The following TGFBR3 variants were observed in gnomAD, a reference collection of about 807,000 sequenced individuals.
TGFBR3 encodes the protein transforming growth factor beta receptor type 3.
In TGFBR3, 46 loss-of-function variants were observed where a neutral mutation model predicts 87.9. The observed-to-expected ratio is 0.52, with a 90% CI of 0.41 to 0.67. TGFBR3 has a LOEUF of 0.67. Among genes scored for constraint, TGFBR3 ranks in the 30% least tolerant of loss-of-function variants. The pLI is 0.00. For synonymous variants in TGFBR3, 381 were observed against 391.6 expected, an observed-to-expected ratio of 0.97 and a Z score of 0.32; for missense variants, 866 against 1,041.9, an observed-to-expected ratio of 0.83 and a Z score of 2.32.
chr1:91,708,525 CA>C (rs1223919135), intron 14 of TGFBR3, 137 bp downstream of exon 14: 1 of 1,362,600 alleles, frequency 7.3e-7, no homozygotes, highest in Non-Finnish European at 1.0e-6. Flanking sequence ...ACTCTTCGGG[CA>C]AAAAATGGTC....
At chr1:91,797,181 T>C (rs1375263789) in intron 3 of TGFBR3, 106 bp downstream of exon 3, 2 of 1,215,308 alleles carry the variant, frequency 1.6e-6, no homozygotes, top group African/African-American at 1.5e-5. Flanking sequence ...TGTTCATACA[T>C]GAGCTTCTTT....
upstream of TGFBR3, chr1:91,886,363 C>T (rs1023275756): frequency 3.4e-5 from 12 of 354,362 alleles, no homozygotes; most frequent in African/African-American, 2.2e-4. Context: ...ATGGATGAGC[C>T]CCGAATGCTG....
chr1:91,705,984 C>T (rs1364779634), intron 14 of TGFBR3, among the ~76,000 whole-genome samples: 1 of 152,116 alleles, frequency 6.6e-6, no homozygotes, highest in African/African-American at 2.4e-5. Flanking sequence ...TGTCACCAGG[C>T]TCAAAAGAAG....
intron 2 of TGFBR3, among the ~76,000 whole-genome samples, chr1:91,799,478 G>A (rs1270094310): frequency 6.6e-6 from 1 of 152,166 alleles, no homozygotes; most frequent in Non-Finnish European, 1.5e-5. Flanking sequence ...GGCTTTCCCA[G>A]CCGCAGTGGG....
intron 3 of TGFBR3, chr1:91,766,395 A>C (rs561563189): frequency 6.6e-6 from 1 of 152,106 alleles, no homozygotes; most frequent in South Asian, 2.1e-4. Flanking sequence ...CTGTTTAGTA[A>C]GCCAGTATGC....
At position 91,682,883 on chromosome 1, in the gene TGFBR3, T is replaced by A; in HGVS notation, c.*856A>T. ...AGAAATATATCACTGTGCAAATTCGTCCTTGACTTTATAACTGAATTTCAC... is the reference window on the plus strand; with the variant it reads ...AGAAATATATCACTGTGCAAATTCGACCTTGACTTTATAACTGAATTTCAC... On this transcript the variant is annotated 3_prime_UTR_variant, in exon 17 of 17. Coordinates refer to ENST00000212355, the MANE Select transcript of TGFBR3 (RefSeq NM_003243.5). 2 of 453,172 alleles carry A rather than the reference T, an allele frequency of 4.4e-6. No individual in the cohort carries two copies. Among genetic ancestry groups the A allele is most frequent in the Non-Finnish European group, 8.9e-6 (2 of 225,728 alleles). The allele number at this position is 453,172 out of a possible 1,614,324, so 28.1% of individuals were successfully genotyped here.
At chr1:91,773,147 G>A (rs776943431) in intron 3 of TGFBR3, among the ~76,000 whole-genome samples, 7 of 152,190 alleles carry the variant, frequency 4.6e-5, no homozygotes, top group Non-Finnish European at 8.8e-5. Flanking sequence ...GGGAGGCTGA[G>A]GCGGACAGAT....
At position 91,722,136 on chromosome 1, in the gene TGFBR3, G is replaced by A. The variant is rs1399371304; in HGVS notation, c.894C>T (p.Asn298=). Residue 298 remains asparagine (N), a synonymous_variant, in exon 8 of 17, where the codon AAC becomes AAT. Transcript: ENST00000212355. ...VKGSLKIIAP[N]SIGFGKESER... ...CACTCTCTTTTCCAAAGCCAATACT[G>A]TTAGGAGCCTGAAGATATAGCAAAA... 1.2e-6 allele frequency: 2 copies of A among 1,613,576 alleles called. No homozygotes were observed. Among genetic ancestry groups the A allele is most frequent in the African/African-American group, 1.3e-5 (1 of 74,984 alleles).
At chr1:91,778,252 G>C (rs1355498333) in intron 3 of TGFBR3, among the ~76,000 whole-genome samples, 1 of 151,720 alleles carries the variant, frequency 6.6e-6, no homozygotes, top group Admixed American at 6.6e-5. Flanking sequence ...GAATGCTGAG[G>C]GTTTCTTTAA....
Position 91,683,521 on chromosome 1 carries a change from T to C in TGFBR3, c.*218A>G, listed in dbSNP as rs1455563476. ...CATTTTAGCTTTCTCACATGAATTC[T>C]AGTGTGGTACAGAAGCCCAGGGTCA... is the stretch of plus-strand genomic sequence containing the variant. On this transcript the variant is annotated 3_prime_UTR_variant, in exon 17 of 17. Coordinates refer to ENST00000212355, the MANE Select transcript of TGFBR3 (RefSeq NM_003243.5). 3 of 694,128 alleles carry C rather than the reference T, an allele frequency of 4.3e-6. No individual in the cohort carries two copies. Among genetic ancestry groups the C allele is most frequent in the Admixed American group, 4.0e-5 (2 of 49,768 alleles). 43.0% of individuals were successfully genotyped at this position (694,128 alleles called of 1,614,324 possible).
rs1291591611 is a variant in TGFBR3 at position 91,683,247 on chromosome 1, G to A, written c.*492C>T. 4.4e-6 allele frequency: 2 copies of A among 454,710 alleles called. No homozygotes were observed. Among genetic ancestry groups the A allele is most frequent in the African/African-American group, 2.0e-5 (1 of 50,000 alleles). The allele number at this position is 454,710 out of a possible 1,614,324, so 28.2% of individuals were successfully genotyped here. ...AGACAAAGGTGCAAATTAGACAGGA[G>A]GATCGCTTAGAAAGCCTCAAAGCAT... On this transcript the variant is annotated 3_prime_UTR_variant, in exon 17 of 17. Coordinates refer to ENST00000212355, the MANE Select transcript of TGFBR3 (RefSeq NM_003243.5).
At chr1:91,687,996 T>C (rs997176344) in intron 16 of TGFBR3, among the ~76,000 whole-genome samples, 1 of 152,206 alleles carries the variant, frequency 6.6e-6, no homozygotes, top group African/African-American at 2.4e-5. Context: ...GCTCACTCTT[T>C]AAGCAGAGTG....
chr1:91,768,212 CA>C (rs3039442), intron 3 of TGFBR3, among the ~76,000 whole-genome samples: 69 of 127,370 alleles, frequency 5.4e-4, no homozygotes, highest in East Asian at 2.4e-3. Context: ...AACTCCATCT[CA>C]AAAAAAAAAA....
At chr1:91,890,436 T>TTTTTTTTTG (rs1679420216), upstream of TGFBR3, among the ~76,000 whole-genome samples, 1 of 145,482 alleles carries the variant, frequency 6.9e-6, no homozygotes, top group African/African-American at 2.6e-5. Flanking sequence ...TTTTTTTTTT[T>TTTTTTTTTG]GAGACACAGT....
chr1:91,713,158 C>G (rs925669057), intron 12 of TGFBR3, among the ~76,000 whole-genome samples: 1 of 152,174 alleles, frequency 6.6e-6, no homozygotes, highest in African/African-American at 2.4e-5. Context: ...CCCAGCTGCT[C>G]ACAGATCCAA....
intron 1 of TGFBR3, among the ~76,000 whole-genome samples, chr1:91,875,171 G>A (rs562416913): frequency 2.0e-5 from 3 of 152,204 alleles, no homozygotes; most frequent in Non-Finnish European, 2.9e-5. Context: ...GGAATCTGCC[G>A]AAGGAAAAAC....
chr1:91,704,536 T>C (rs573428069), intron 14 of TGFBR3, among the ~76,000 whole-genome samples: 2 of 152,342 alleles, frequency 1.3e-5, no homozygotes, highest in South Asian at 2.1e-4. Context: ...ATATGTTGTG[T>C]GCCCTTGGCC....
intron 15 of TGFBR3, 71 bp downstream of exon 15, chr1:91,698,018 T>A: frequency 6.9e-7 from 1 of 1,448,900 alleles, no homozygotes; most frequent in Non-Finnish European, 9.7e-7. Flanking sequence ...GTTTGGCAAA[T>A]GTTCACTAAC....
chr1:91,714,893 G>C (rs1204342397), intron 12 of TGFBR3, among the ~76,000 whole-genome samples: 1 of 152,228 alleles, frequency 6.6e-6, no homozygotes, highest in Non-Finnish European at 1.5e-5. Flanking sequence ...TCTCAGAATG[G>C]GGGAGGGGCA....
Sources: gnomAD v4.1 joint callset for allele counts (sites outside exome capture counted in the v4.1 genomes callset) on GRCh38, gnomAD v4.1.1 for gene constraint, MANE v1.5 for transcripts, NCBI Gene and HGNC (gene_info 2026-07-23, HGNC 2026-07-21) for gene names.